Variants in ACAP3 observed in about 807,000 individuals in gnomAD.
ACAP3 encodes ArfGAP with coiled-coil, ankyrin repeat and PH domains 3.
In ACAP3, 56 loss-of-function variants were observed where a neutral mutation model predicts 104.1. The ratio of observed to expected loss-of-function variants is 0.54; its 90% CI spans 0.43 to 0.67. The LOEUF (loss-of-function observed/expected upper bound fraction) is 0.67. Among genes scored for constraint, ACAP3 ranks in the 30% least tolerant of loss-of-function variants. The probability of loss-of-function intolerance (pLI) is 0.00; values close to 1 mark genes in which losing one functional copy is unlikely to be tolerated. For missense variants in ACAP3, 1,208 were observed against 1,174.9 expected (o/e 1.03, Z -0.41); for synonymous variants, 628 against 496.2 (o/e 1.27, Z -3.53).
Position 1,303,645 on chromosome 1 carries a change from A to T in ACAP3, c.106-364T>A. ...TTCTCAGCCCATGTGGGGCTCATGG[A>T]CACGGCTCCCCTCTCCACGGCCTGT... On this transcript the variant is annotated intron_variant, in intron 2 of 23. Transcript: ENST00000354700. This position sits in a 1 kb window ranked among gnomAD's most constrained non-coding sequence, Gnocchi z 4.0. 1 of 405,114 alleles carries T rather than the reference A, an allele frequency of 2.5e-6. No homozygotes were observed. 25.1% of individuals were successfully genotyped at this position (405,114 alleles called of 1,614,324 possible).
chr1:1,296,204 C>G lies in ACAP3; in HGVS notation c.1407+7G>C. On this transcript the variant is annotated splice_region_variant and intron_variant, in intron 16 of 23. Transcript: ENST00000354700. ...GGTCCCGTGGCCTCCAGGAGCCCCACACGCACCTTTAGCAGCTCAGGCTCC... is the reference window on the plus strand; with the variant it reads ...GGTCCCGTGGCCTCCAGGAGCCCCAGACGCACCTTTAGCAGCTCAGGCTCC... 1 of 1,582,066 alleles carries G rather than the reference C, an allele frequency of 6.3e-7. No individual in the cohort carries two copies. Among genetic ancestry groups the G allele is most frequent in the Middle Eastern group, 1.7e-4 (1 of 6,032 alleles).
chr1:1,303,795 TC>T lies in ACAP3; in HGVS notation c.105+290del. ...CAAGGCTCAGCCCACACAGCAGCTGTCCCCGTGTCACCAGCCCAGCAGAGGG... is the reference window on the plus strand; with the variant it reads ...CAAGGCTCAGCCCACACAGCAGCTGTCCCGTGTCACCAGCCCAGCAGAGGG... On this transcript the variant is annotated intron_variant, in intron 2 of 23. Coordinates refer to ENST00000354700, the MANE Select transcript of ACAP3 (RefSeq NM_030649.3). This position sits in a 1 kb window ranked among gnomAD's most constrained non-coding sequence, Gnocchi z 4.0. 1 of 527,588 alleles carries T rather than the reference TC, an allele frequency of 1.9e-6. No homozygotes were observed. The highest frequency in any genetic ancestry group is 2.2e-5 in the South Asian group (1 of 46,158). 32.7% of individuals were successfully genotyped at this position (527,588 alleles called of 1,614,324 possible). A position where few individuals can be genotyped will look rare whatever the true frequency, so the allele number is the denominator to read the frequency against.
chr1:1,298,273 T>TTA, intron 12 of ACAP3, 97 bp downstream of exon 12: 1 of 1,587,058 alleles, frequency 6.3e-7, no homozygotes. Flanking sequence ...CGTCCACTAG[T>TTA]GCCCCGGCCC....
chr1:1,293,514 A>C lies in ACAP3; in HGVS notation c.*50T>G. On this transcript the variant is annotated 3_prime_UTR_variant, in exon 24 of 24. Coordinates refer to ENST00000354700, the MANE Select transcript of ACAP3 (RefSeq NM_030649.3). ...GGGTGGGCGCCAGGGACTTCGGGGC[A>C]TGCGGGGCGTCGGGCCGGGCGGGGT... The C allele has an allele frequency of 2.2e-6, 3 of 1,385,764 alleles. No individual in the cohort carries two copies. Among genetic ancestry groups the C allele is most frequent in the Non-Finnish European group, 1.9e-6 (2 of 1,078,928 alleles). 85.8% of individuals were successfully genotyped at this position (1,385,764 alleles called of 1,614,324 possible).
In ACAP3 at chr1:1,293,345, G is replaced by T; in HGVS notation, c.*219C>A. ...CCAGGTGGGGTGAGGGACACCCGAC[G>T]ATGCAGCACCCCCCCAGGGAAACGT... On this transcript the variant is annotated 3_prime_UTR_variant, in exon 24 of 24. Coordinates refer to ENST00000354700, the MANE Select transcript of ACAP3 (RefSeq NM_030649.3). The T allele has an allele frequency of 2.7e-6, 1 of 370,310 alleles. No individual in the cohort carries two copies. Among genetic ancestry groups the T allele is most frequent in the Non-Finnish European group, 4.5e-6 (1 of 222,762 alleles). The allele number at this position is 370,310 out of a possible 1,614,324, so 22.9% of individuals were successfully genotyped here.
Position 1,303,423 on chromosome 1 carries a change from A to G in ACAP3, c.106-142T>C, listed in dbSNP as rs891733643. 2.1e-6 allele frequency: 2 copies of G among 967,030 alleles called. No individual in the cohort carries two copies. The highest frequency in any genetic ancestry group is 1.7e-5 in the African/African-American group (1 of 57,478). The allele number at this position is 967,030 out of a possible 1,614,324, so 59.9% of individuals were successfully genotyped here. On this transcript the variant is annotated intron_variant, in intron 2 of 23. Transcript: ENST00000354700. This position sits in a 1 kb window ranked among gnomAD's most constrained non-coding sequence, Gnocchi z 4.0. The stretch of plus-strand genomic sequence containing the variant: ...CACTCAGGACTCAGTGCCCCGGTGC[A>G]GCTTCCTCACGCCTGGGCCTGCCTG...
chr1:1,295,078 G>A (rs1257993948), intron 19 of ACAP3: 12 of 557,008 alleles, frequency 2.2e-5, no homozygotes, highest in African/African-American at 7.6e-5. Context: ...GCCTTACCCG[G>A]CACCCCCCGC....
Position 1,299,862 on chromosome 1 carries a change from A to G in ACAP3, c.707T>C (p.Met236Thr), listed in dbSNP as rs1182483706. ...CTGGATGGCGGCGTGCTTTCGCTCC[A>G]TCTCACGCTTTTCCACCGCAGAGTC... is the stretch of plus-strand genomic sequence containing the variant. ...VIDSAVEKREMERKHAAIQQR... is the reference protein window; with the variant it reads ...VIDSAVEKRETERKHAAIQQR... Residue 236 changes from methionine (M) to threonine (T), a missense_variant, in exon 9 of 24, where the codon ATG becomes ACG. By Grantham distance (81) the Met-to-Thr change is moderately conservative. Coordinates refer to ENST00000354700, the MANE Select transcript of ACAP3 (RefSeq NM_030649.3). The G allele has an allele frequency of 6.4e-7, 1 of 1,567,052 alleles. No homozygotes were observed. The highest frequency in any genetic ancestry group is 1.2e-5 in the South Asian group (1 of 86,040).
In ACAP3 at chr1:1,296,630, G is replaced by C. The variant is rs1416289892; in HGVS notation, c.1132C>G (p.Leu378Val). ...GTGGACGGGGATGCTGTGCGGTCCA[G>C]CCTCTGGAGGATGGGGTGGAGCTGC... Reference protein sequence around the residue: ...ESPDSCYSERLDRTASPSTSS... With the variant: ...ESPDSCYSERVDRTASPSTSS... Residue 378 changes from leucine to valine, a missense_variant, in exon 15 of 24, where the codon CTG (leucine) becomes GTG (valine). Leu to Val is a conservative substitution (Grantham distance 32). Transcript: ENST00000354700. The C allele has an allele frequency of 1.3e-6, 2 of 1,534,930 alleles. No homozygotes were observed. The highest frequency in any genetic ancestry group is 2.7e-5 in the African/African-American group (2 of 72,910).
In ACAP3 at chr1:1,293,314, G is replaced by A. The variant is rs951715302; in HGVS notation, c.*250C>T. The A allele has an allele frequency of 1.7e-5, 5 of 302,932 alleles. No homozygotes were observed. The highest frequency in any genetic ancestry group is 5.4e-5 in the Admixed American group (1 of 18,604). 18.8% of individuals were successfully genotyped at this position (302,932 alleles called of 1,614,324 possible). ...TGAAAAGGGGTGACCTGAAGACAGAGGTTCCCCAGGTGGGGTGAGGGACAC... is the reference window on the plus strand; with the variant it reads ...TGAAAAGGGGTGACCTGAAGACAGAAGTTCCCCAGGTGGGGTGAGGGACAC... On this transcript the variant is annotated 3_prime_UTR_variant, in exon 24 of 24. Coordinates refer to ENST00000354700, the MANE Select transcript of ACAP3 (RefSeq NM_030649.3).
intron 5 of ACAP3, among the ~76,000 whole-genome samples, chr1:1,301,156 T>C (rs970475112): frequency 3.3e-5 from 5 of 151,710 alleles, no homozygotes; most frequent in East Asian, 3.9e-4. Context: ...CTGCAGCCTC[T>C]ACCTCCCAGG....
At chr1:1,299,457 G>A in intron 9 of ACAP3, 101 bp from the exon 10 acceptor site, 1 of 1,353,990 alleles carries the variant, frequency 7.4e-7, no homozygotes. Context: ...CTGGTGACTG[G>A]TGGACCCGTC....
intron 1 of ACAP3, 46 bp downstream of exon 1, chr1:1,307,723 C>T: frequency 9.2e-7 from 1 of 1,085,582 alleles, no homozygotes. Context: ...AAGGCGACAG[C>T]GACGCCCCCG....
intron 1 of ACAP3, among the ~76,000 whole-genome samples, chr1:1,306,677 CAT>C (rs1641713902): frequency 6.6e-6 from 1 of 152,230 alleles, no homozygotes. Context: ...CACACCCACA[CAT>C]ACACAATCAA....
rs373677322 is a variant in ACAP3 at position 1,293,956 on chromosome 1, C to T, written c.2250-23G>A. 2,881 of 994,566 alleles carry T rather than the reference C, an allele frequency of 2.9e-3. 6 individuals are homozygous for T. Among genetic ancestry groups the T allele is most frequent in the Non-Finnish European group, 4.0e-3 (2,704 of 671,162 alleles). 61.6% of individuals were successfully genotyped at this position (994,566 alleles called of 1,614,324 possible). Reference sequence around the variant, plus strand: ...TGGCTGAGGGGCGAGGTCGGAGGGGCGTGTCGGGGCGGGGCGGGGCGGGGC... The same window carrying T: ...TGGCTGAGGGGCGAGGTCGGAGGGGTGTGTCGGGGCGGGGCGGGGCGGGGC... On this transcript the variant is annotated intron_variant, in intron 22 of 23. Transcript: ENST00000354700.
Position 1,293,390 on chromosome 1 carries a change from T to G in ACAP3, c.*174A>C. The G allele has an allele frequency of 3.7e-6, 2 of 545,388 alleles. No individual in the cohort carries two copies. Among genetic ancestry groups the G allele is most frequent in the South Asian group, 5.2e-5 (1 of 19,230 alleles). 33.8% of individuals were successfully genotyped at this position (545,388 alleles called of 1,614,324 possible). A position where few individuals can be genotyped will look rare whatever the true frequency, so the allele number is the denominator to read the frequency against. On this transcript the variant is annotated 3_prime_UTR_variant, in exon 24 of 24. Transcript: ENST00000354700. ...AAACGTGAGGCTTCAAGAGACTCAG[T>G]GTGGGGCCCTCGCTCTCCTCCTGGG...
At chr1:1,296,743 G>T in intron 14 of ACAP3, 110 bp from the exon 15 acceptor site, 1 of 1,082,500 alleles carries the variant, frequency 9.2e-7, no homozygotes, top group Non-Finnish European at 1.3e-6. Flanking sequence ...GGCCCCTCGA[G>T]CACACGCCCG....
Position 1,293,902 on chromosome 1 carries a change from C to T in ACAP3, c.2281G>A (p.Asp761Asn). The change falls in exon 23 of 24, where the codon GAC (aspartate) becomes AAC (asparagine). Residue 761 changes from aspartate (D) to asparagine (N), a missense_variant. Coordinates refer to ENST00000354700, the MANE Select transcript of ACAP3 (RefSeq NM_030649.3). ...TGCTCTTGGTCCAGGGCGTGCTGGT[C>T]CGCGCCCCGCTTCAGGAACAGGCAA... ...QVCLFLKRGA[D>N]QHALDQEQRD... 3 of 1,581,662 alleles carry T rather than the reference C, an allele frequency of 1.9e-6. No homozygotes were observed. The highest frequency in any genetic ancestry group is 2.6e-6 in the Non-Finnish European group (3 of 1,166,556).
chr1:1,294,024 A>G, intron 22 of ACAP3, 66 bp downstream of exon 22: 1 of 1,474,564 alleles, frequency 6.8e-7, no homozygotes, highest in Non-Finnish European at 9.0e-7. Flanking sequence ...CATGGCGGAC[A>G]GGGCGTAGCC....
Sources: gnomAD v4.1 joint callset for allele counts (sites outside exome capture counted in the v4.1 genomes callset) on GRCh38, gnomAD v4.1.1 for gene constraint, Gnocchi (gnomAD v3.1) non-coding constraint, MANE v1.5 for transcripts, NCBI Gene and HGNC (gene_info 2026-07-23, HGNC 2026-07-21) for gene names.